The following CDC40 variants were observed in gnomAD, a reference collection of about 807,000 sequenced individuals.
CDC40 encodes pre-mRNA-processing factor 17.
In CDC40, 27 loss-of-function variants were observed where a neutral mutation model predicts 80.6. That is an observed-to-expected ratio of 0.33 (90% CI 0.25 to 0.46). CDC40 has a LOEUF of 0.46. CDC40 is among the 20% of genes least tolerant of loss of function. The pLI is 1.00. For missense variants in CDC40, 486 were observed against 694.1 expected, an observed-to-expected ratio of 0.70 and a Z score of 3.37; for synonymous variants, 221 against 232.6, an observed-to-expected ratio of 0.95 and a Z score of 0.45.
intron 5 of CDC40, 22 bp from the exon 6 acceptor site, chr6:110,210,685 T>C: frequency 7.1e-7 from 1 of 1,416,634 alleles, no homozygotes; most frequent in Non-Finnish European, 9.5e-7. Flanking sequence ...TCATTTTAAA[T>C]TTCACTCCTT....
intron 1 of CDC40, among the ~76,000 whole-genome samples, chr6:110,190,420 T>A (rs758676708): frequency 2.6e-5 from 4 of 152,156 alleles, no homozygotes; most frequent in Non-Finnish European, 5.9e-5. Flanking sequence ...AAGCCCTAAC[T>A]AGGCCATTGT....
rs1222711017 is a variant in CDC40, at chr6:110,226,261, T to C, written c.1417+18T>C. The C allele has an allele frequency of 1.3e-6, 2 of 1,489,902 alleles. No individual in the cohort carries two copies. Among genetic ancestry groups the C allele is most frequent in the Non-Finnish European group, 1.9e-6 (2 of 1,072,524 alleles). The allele number at this position is 1,489,902 out of a possible 1,614,324, so 92.3% of individuals were successfully genotyped here. ...TCCAAATGGTGAGTTAGTATGTAGATTGTATTTTTAAATGAGCTTCTAAGA... is the reference window on the plus strand; with the variant it reads ...TCCAAATGGTGAGTTAGTATGTAGACTGTATTTTTAAATGAGCTTCTAAGA... On this transcript the variant is annotated intron_variant, in intron 13 of 14. Transcript: ENST00000307731.
At chr6:110,217,638 GT>G in intron 9 of CDC40, 63 bp from the exon 10 acceptor site, 1 of 791,656 alleles carries the variant, frequency 1.3e-6, no homozygotes. Context: ...TGGTGTTAAT[GT>G]TTTAAGAGAA....
At position 110,231,576 on chromosome 6, in the gene CDC40, T is replaced by C. The variant is rs1016885533; in HGVS notation, c.*1445T>C. On this transcript the variant is annotated 3_prime_UTR_variant, in exon 15 of 15. Transcript: ENST00000307731. ...ATTTGGCAAGCCATTTTTCCTGTTT[T>C]ATTATAAATCTATATTAGATGTTTG... 6.6e-6 allele frequency: 1 copy of C among 152,254 alleles called. No homozygotes were observed. Among genetic ancestry groups the C allele is most frequent in the Non-Finnish European group, 1.5e-5 (1 of 68,046 alleles). The allele number at this position is 152,254 out of a possible 1,614,324, so 9.4% of individuals were successfully genotyped here.
At chr6:110,193,558 C>T (rs549007978) in intron 2 of CDC40, among the ~76,000 whole-genome samples, 1 of 152,098 alleles carries the variant, frequency 6.6e-6, no homozygotes, top group African/African-American at 2.4e-5. Flanking sequence ...GCGCCCACCA[C>T]CACGCCTGGC....
chr6:110,193,271 A>G lies in CDC40; in HGVS notation c.276+3A>G. On this transcript the variant is annotated splice_donor_region_variant and intron_variant, in intron 2 of 14. Coordinates refer to ENST00000307731, the MANE Select transcript of CDC40 (RefSeq NM_015891.3). The stretch of plus-strand genomic sequence containing the variant: ...ATGAGACCATGTTTGCTCCTGAGGT[A>G]AGAAAACATACTTAAGGTTCTGACT... 6.6e-7 allele frequency: 1 copy of G among 1,519,982 alleles called. No homozygotes were observed. The highest frequency in any genetic ancestry group is 9.1e-7 in the Non-Finnish European group (1 of 1,094,900). 94.2% of individuals were successfully genotyped at this position (1,519,982 alleles called of 1,614,324 possible).
intron 14 of CDC40, 106 bp from the exon 15 acceptor site, chr6:110,229,848 A>AT (rs1195784597): frequency 0.01 from 5,677 of 559,070 alleles, no homozygotes; most frequent in South Asian, 0.016. Context: ...TTTGCATTGG[A>AT]TTTTTTTTTT....
chr6:110,224,935 G>A (rs565844715), intron 12 of CDC40, among the ~76,000 whole-genome samples: 59 of 152,202 alleles, frequency 3.9e-4, no homozygotes, highest in African/African-American at 1.3e-3. Flanking sequence ...CTAACAATAC[G>A]AGGAGGGAAG....
intron 1 of CDC40, among the ~76,000 whole-genome samples, chr6:110,189,353 T>C (rs1275589774): frequency 6.6e-6 from 1 of 152,236 alleles, no homozygotes; most frequent in Admixed American, 6.5e-5. Context: ...GGCAGGTATC[T>C]TTGTCTATTT....
chr6:110,222,565 A>T (rs189161362), intron 12 of CDC40, among the ~76,000 whole-genome samples: 2 of 152,282 alleles, frequency 1.3e-5, no homozygotes, highest in East Asian at 3.9e-4. Flanking sequence ...TCAAAAACAA[A>T]AAAAACAAAC....
chr6:110,201,296 A>T (rs1364284438), intron 2 of CDC40, among the ~76,000 whole-genome samples: 1 of 152,184 alleles, frequency 6.6e-6, no homozygotes, highest in Non-Finnish European at 1.5e-5. Context: ...GCTGACAACC[A>T]CATGGGGCTA....
At chr6:110,226,337 G>A in intron 13 of CDC40, 94 bp downstream of exon 13, 1 of 713,678 alleles carries the variant, frequency 1.4e-6, no homozygotes, top group African/African-American at 1.8e-5. Flanking sequence ...CCTTCTTGGG[G>A]AAGTTTGTCA....
At position 110,180,649 on chromosome 6, in the gene CDC40, A is replaced by C. The variant is rs749164030; in HGVS notation, c.189+16A>C. 1 of 1,590,428 alleles carries C rather than the reference A, an allele frequency of 6.3e-7. No homozygotes were observed. Among genetic ancestry groups the C allele is most frequent in the Admixed American group, 1.7e-5 (1 of 59,712 alleles). On this transcript the variant is annotated intron_variant, in intron 1 of 14. Coordinates refer to ENST00000307731, the MANE Select transcript of CDC40 (RefSeq NM_015891.3). Reference sequence around the variant, plus strand: ...GGCAGTTAAGGTAAGCACTTTTGCTACTAATGCAGTGTGGGAATTGTTGGC... The same window carrying C: ...GGCAGTTAAGGTAAGCACTTTTGCTCCTAATGCAGTGTGGGAATTGTTGGC...
chr6:110,202,290 A>G (rs1306372880), intron 3 of CDC40, among the ~76,000 whole-genome samples: 1 of 152,222 alleles, frequency 6.6e-6, no homozygotes, highest in Non-Finnish European at 1.5e-5. Flanking sequence ...TGTACCAAAT[A>G]TCACAGCCAA....
chr6:110,227,778 T>A (rs1777884974), intron 13 of CDC40, among the ~76,000 whole-genome samples: 1 of 152,234 alleles, frequency 6.6e-6, no homozygotes, highest in South Asian at 2.1e-4. Context: ...AGAGGTGATT[T>A]AATGTATACA....
At chr6:110,223,528 A>G (rs1777805109) in intron 12 of CDC40, among the ~76,000 whole-genome samples, 1 of 152,154 alleles carries the variant, frequency 6.6e-6, no homozygotes, top group African/African-American at 2.4e-5. Flanking sequence ...CATCCCAAAG[A>G]GCAATTACTA....
chr6:110,226,344 G>C (rs1777859830), intron 13 of CDC40, 101 bp downstream of exon 13: 2 of 658,452 alleles, frequency 3.0e-6, no homozygotes, highest in Non-Finnish European at 5.3e-6. Flanking sequence ...GGGGAAGTTT[G>C]TCACTGTGCC....
At chr6:110,206,142 T>G (rs551245905) in intron 3 of CDC40, among the ~76,000 whole-genome samples, 111 of 152,086 alleles carry the variant, frequency 7.3e-4, no homozygotes, top group South Asian at 8.3e-4. Context: ...TTCTGTTTTT[T>G]TGTGTGTGTG....
At position 110,229,008 on chromosome 6, in the gene CDC40, T is replaced by G. The variant is rs916137791; in HGVS notation, c.1562+32T>G. 6 of 1,538,470 alleles carry G rather than the reference T, an allele frequency of 3.9e-6. No individual in the cohort carries two copies. In the African/African-American group the frequency reaches 8.3e-5, roughly 21 times the overall value. ...TTAAATCTTCTAATCCATTCTCGTA[T>G]TCAAATATGATTATATAAACTGTTG... On this transcript the variant is annotated intron_variant, in intron 14 of 14. Transcript: ENST00000307731.
Sources: gnomAD v4.1 joint callset for allele counts (sites outside exome capture counted in the v4.1 genomes callset) on GRCh38, gnomAD v4.1.1 for gene constraint, MANE v1.5 for transcripts, NCBI Gene and HGNC (gene_info 2026-07-23, HGNC 2026-07-21) for gene names.